Variants in CACNA2D2 observed in about 807,000 individuals in gnomAD.
The protein encoded by CACNA2D2 is voltage-dependent calcium channel subunit alpha-2/delta-2.
Under a neutral mutation model 166.4 loss-of-function variants are expected in CACNA2D2, and 48 were observed. That is an observed-to-expected ratio of 0.29 (90% CI 0.23 to 0.37). CACNA2D2 has a LOEUF of 0.37. CACNA2D2 is among the 10% of genes least tolerant of loss of function. The pLI is 1.00. For missense variants in CACNA2D2, 1,122 were observed against 1,433.0 expected (o/e 0.78, Z 3.50); for synonymous variants, 561 against 573.7 (o/e 0.98, Z 0.32).
At position 50,379,758 on chromosome 3, in the gene CACNA2D2, C is replaced by G; in HGVS notation, c.960G>C (p.Thr320=). ...CATTCACATAGTCATCATCAGACAGCGTGTCCAGCATCTCGCAGACAGATG... is the reference window on the plus strand; with the variant it reads ...CATTCACATAGTCATCATCAGACAGGGTGTCCAGCATCTCGCAGACAGATG... The part of the protein sequence containing the change: ...MKTSVCEMLD[T]LSDDDYVNVA... The change falls in exon 10 of 38, where the codon ACG becomes ACC. Residue 320 remains threonine, a synonymous_variant. Transcript: ENST00000424201. This position sits in a 1 kb window ranked among gnomAD's most constrained non-coding sequence, Gnocchi z 6.5. 1 of 1,613,936 alleles carries G rather than the reference C, an allele frequency of 6.2e-7. No homozygotes were observed. Among genetic ancestry groups the G allele is most frequent in the African/African-American group, 1.3e-5 (1 of 75,036 alleles).
chr3:50,485,852 C>A (rs757288122), intron 1 of CACNA2D2, among the ~76,000 whole-genome samples: 2 of 152,210 alleles, frequency 1.3e-5, no homozygotes, highest in Non-Finnish European at 2.9e-5. Context: ...GCGAGAGGCA[C>A]TAACAAACAA....
At position 50,368,159 on chromosome 3, in the gene CACNA2D2, C is replaced by G. The variant is rs762102588; in HGVS notation, c.2122G>C (p.Val708Leu). The G allele has an allele frequency of 4.3e-6, 7 of 1,613,630 alleles. No individual in the cohort carries two copies. The highest frequency in any genetic ancestry group is 3.4e-6 in the Non-Finnish European group (4 of 1,179,612). Residue 708 changes from valine to leucine, a missense_variant, in exon 24 of 38, where the codon GTG becomes CTG. This residue lies in a region of CACNA2D2 where 840 missense variants were observed against 1,166.8 expected (regional missense o/e 0.72). Transcript: ENST00000424201. ...TCACACTGCTTGGAGTCTGGAGTCA[C>G]TTTCTCCATGAGCTCAATAAAGTTT... is the stretch of plus-strand genomic sequence containing the variant. The part of the protein sequence containing the change: ...LKNFIELMEK[V>L]TPDSKQCNNF...
Position 50,377,524 on chromosome 3 carries a change from G to A in CACNA2D2, c.1569C>T (p.Gly523=), listed in dbSNP as rs763047983. 1.2e-5 allele frequency: 19 copies of A among 1,613,292 alleles called. No homozygotes were observed. The highest frequency in any genetic ancestry group is 2.2e-5 in the South Asian group (2 of 91,084). ...PGEKKNQLIL[G]VMGIDVALND... ...TCAGAGCCACGTCAATGCCCATCACGCCCAGGATCAGCTGGTTCTGGGAGC... is the reference window on the plus strand; with the variant it reads ...TCAGAGCCACGTCAATGCCCATCACACCCAGGATCAGCTGGTTCTGGGAGC... Residue 523 remains glycine (G), a synonymous_variant, in exon 17 of 38, where the codon GGC becomes GGT. Coordinates refer to ENST00000424201, the MANE Select transcript of CACNA2D2 (RefSeq NM_006030.4).
rs1434308531 is a variant in CACNA2D2, at chr3:50,399,414, A to G, written c.406-5246T>C. 2.6e-5 allele frequency among the ~76,000 whole-genome samples: 4 copies of G among 152,310 alleles called. No individual in the cohort carries two copies. The East Asian group carries it at 5.8e-4, about 22-fold the overall frequency. Reference sequence around the variant, plus strand: ...AAAAGGCTCTGAACCCATGGGGTGCAGGATGTTGAGATCTAGGGCACTGAG... The same window carrying G: ...AAAAGGCTCTGAACCCATGGGGTGCGGGATGTTGAGATCTAGGGCACTGAG... On this transcript the variant is annotated intron_variant, in intron 3 of 37. Coordinates refer to ENST00000424201, the MANE Select transcript of CACNA2D2 (RefSeq NM_006030.4).
intron 1 of CACNA2D2, among the ~76,000 whole-genome samples, chr3:50,501,892 C>T (rs970661814): frequency 6.6e-6 from 1 of 152,184 alleles, no homozygotes; most frequent in African/African-American, 2.4e-5. Context: ...CCCAAACACA[C>T]ATGTGAAAAA....
chr3:50,373,873 C>A (rs1704799888), intron 22 of CACNA2D2, among the ~76,000 whole-genome samples: 2 of 54,716 alleles, frequency 3.7e-5, no homozygotes, highest in Non-Finnish European at 6.9e-5. Flanking sequence ...GAGGAGGGGG[C>A]AGAGAGAGAG....
In CACNA2D2 at chr3:50,365,620, A is replaced by G. The variant is rs1418285919; in HGVS notation, c.2971+13T>C. The G allele has an allele frequency of 6.4e-7, 1 of 1,574,294 alleles. No homozygotes were observed. The highest frequency in any genetic ancestry group is 1.2e-5 in the South Asian group (1 of 86,490). ...ACCCGGACTTGAGGAGGCGCCTCCAAAGCCCTACCTACCTGCTTGGAACCA... is the reference window on the plus strand; with the variant it reads ...ACCCGGACTTGAGGAGGCGCCTCCAGAGCCCTACCTACCTGCTTGGAACCA... On this transcript the variant is annotated intron_variant, in intron 34 of 37. Coordinates refer to ENST00000424201, the MANE Select transcript of CACNA2D2 (RefSeq NM_006030.4). This position sits in a 1 kb window ranked among gnomAD's most constrained non-coding sequence, Gnocchi z 4.5.
Position 50,365,803 on chromosome 3 carries a change from G to C in CACNA2D2, c.2915+7C>G. 5 of 1,613,482 alleles carry C rather than the reference G, an allele frequency of 3.1e-6. No individual in the cohort carries two copies. Among genetic ancestry groups the C allele is most frequent in the Non-Finnish European group, 4.2e-6 (5 of 1,179,998 alleles). On this transcript the variant is annotated splice_region_variant and intron_variant, in intron 33 of 37. Transcript: ENST00000424201. The surrounding 1 kb of genome is among the most constrained non-coding windows in gnomAD (Gnocchi z 4.5). ...CCTTCTCTACCCACCTCCCGCTCAG[G>C]ACTCACCAGGCGGCAGCAGAGGTCC...
chr3:50,449,253 C>T (rs571101999), intron 2 of CACNA2D2, among the ~76,000 whole-genome samples: 2 of 152,190 alleles, frequency 1.3e-5, no homozygotes, highest in Non-Finnish European at 2.9e-5. Context: ...GTGATCCAAC[C>T]CTGGACCTAG....
intron 5 of CACNA2D2, among the ~76,000 whole-genome samples, chr3:50,385,151 G>A (rs140286290): frequency 5.5e-4 from 84 of 152,336 alleles, no homozygotes; most frequent in African/African-American, 2.0e-3. Context: ...TGCAGCCGAT[G>A]GGAGGGGGGC....
chr3:50,375,832 T>A lies in CACNA2D2; in HGVS notation c.1822A>T (p.Thr608Ser). ...DGNKGHKQIR[T>S]LVKSLDERYI... ...ACCTCATCCAGGGACTTGACCAACGTTCTGATCTGCTTGTGGCCCTTGTTG... is the reference window on the plus strand; with the variant it reads ...ACCTCATCCAGGGACTTGACCAACGATCTGATCTGCTTGTGGCCCTTGTTG... The change falls in exon 20 of 38, where the codon ACG (threonine) becomes TCG (serine). Residue 608 changes from threonine (T) to serine (S), a missense_variant. Coordinates refer to ENST00000424201, the MANE Select transcript of CACNA2D2 (RefSeq NM_006030.4). The surrounding 1 kb of genome is among the most constrained non-coding windows in gnomAD (Gnocchi z 4.0). 6.2e-7 allele frequency: 1 copy of A among 1,613,048 alleles called. No individual in the cohort carries two copies. The highest frequency in any genetic ancestry group is 8.5e-7 in the Non-Finnish European group (1 of 1,179,982).
At chr3:50,423,467 A>C (rs922963526) in intron 3 of CACNA2D2, among the ~76,000 whole-genome samples, 2 of 152,206 alleles carry the variant, frequency 1.3e-5, no homozygotes, top group African/African-American at 4.8e-5. Context: ...CCCATTGCCT[A>C]GGGCTGCCCC....
intron 2 of CACNA2D2, 82 bp from the exon 3 acceptor site, chr3:50,434,511 C>T: frequency 1.0e-6 from 1 of 976,614 alleles, no homozygotes; most frequent in Non-Finnish European, 1.7e-6. Flanking sequence ...CTCTGCACAG[C>T]TCACCTCAGC....
At chr3:50,467,956 CCTGG>C (rs1204878591) in intron 2 of CACNA2D2, among the ~76,000 whole-genome samples, 1 of 152,238 alleles carries the variant, frequency 6.6e-6, no homozygotes, top group Non-Finnish European at 1.5e-5. Flanking sequence ...TCCTGCCGCC[CCTGG>C]GGCCGGCTGT....
chr3:50,367,936 ATCTTCTTGCAGCTCC>A lies in CACNA2D2; in HGVS notation c.2144-49_2144-35del, dbSNP rs1211245135. 1.5e-6 allele frequency: 2 copies of A among 1,362,602 alleles called. No individual in the cohort carries two copies. Among genetic ancestry groups the A allele is most frequent in the African/African-American group, 2.9e-5 (2 of 69,588 alleles). The allele number at this position is 1,362,602 out of a possible 1,614,324, so 84.4% of individuals were successfully genotyped here. On this transcript the variant is annotated intron_variant, in intron 24 of 37. Coordinates refer to ENST00000424201, the MANE Select transcript of CACNA2D2 (RefSeq NM_006030.4). This position sits in a 1 kb window ranked among gnomAD's most constrained non-coding sequence, Gnocchi z 6.5. ...GGAGGGGAGGGGTGGGGGTGGGGGCATCTTCTTGCAGCTCCTTGCCCACCCTCACCCCCACCCTTA... is the reference window on the plus strand; with the variant it reads ...GGAGGGGAGGGGTGGGGGTGGGGGCATTGCCCACCCTCACCCCCACCCTTA...
Position 50,380,986 on chromosome 3 carries a change from G to A in CACNA2D2, c.784+9C>T, listed in dbSNP as rs371183857. On this transcript the variant is annotated intron_variant, in intron 7 of 37. Transcript: ENST00000424201. This position sits in a 1 kb window ranked among gnomAD's most constrained non-coding sequence, Gnocchi z 4.9. ...GCTGGGTAGACAGGGGACAGGGGCT[G>A]GTACCTACCCGGGTAGTAGCGAGTG... The A allele has an allele frequency of 3.1e-6, 5 of 1,613,518 alleles. No individual in the cohort carries two copies. The African/African-American group carries it at 4.0e-5, about 13-fold the overall frequency.
At chr3:50,458,886 C>T (rs1709478700) in intron 2 of CACNA2D2, among the ~76,000 whole-genome samples, 1 of 152,224 alleles carries the variant, frequency 6.6e-6, no homozygotes, top group South Asian at 2.1e-4. Flanking sequence ...GGGGAACCTG[C>T]TCAGTCAGGC....
intron 2 of CACNA2D2, among the ~76,000 whole-genome samples, chr3:50,436,685 G>A (rs184889753): frequency 2.0e-5 from 3 of 152,308 alleles, no homozygotes; most frequent in Admixed American, 1.3e-4. Context: ...CTGTTGTTAC[G>A]GCTATTAGTT....
In CACNA2D2 at chr3:50,378,301, T is replaced by C. The variant is rs775527843; in HGVS notation, c.1372A>G (p.Ile458Val). The C allele has an allele frequency of 1.3e-6, 2 of 1,552,554 alleles. No homozygotes were observed. The highest frequency in any genetic ancestry group is 2.4e-5 in the East Asian group (1 of 40,982). Residue 458 changes from isoleucine to valine, a missense_variant, in exon 14 of 38, where the codon ATC becomes GTC. Coordinates refer to ENST00000424201, the MANE Select transcript of CACNA2D2 (RefSeq NM_006030.4). Reference sequence around the variant, plus strand: ...AGTCTCACCTGTGTGTTGATGCGGATGGCTCCGATGGAAGGGATCTCAAAA... The same window carrying C: ...AGTCTCACCTGTGTGTTGATGCGGACGGCTCCGATGGAAGGGATCTCAAAA... ...YYFEIPSIGA[I>V]RINTQEYLDV...
Sources: gnomAD v4.1 joint callset for allele counts (sites outside exome capture counted in the v4.1 genomes callset) on GRCh38, gnomAD v4.1.1 for gene constraint, gnomAD v4.1.1 regional missense constraint, Gnocchi (gnomAD v3.1) non-coding constraint, MANE v1.5 for transcripts, NCBI Gene and HGNC (gene_info 2026-07-23, HGNC 2026-07-21) for gene names.